The following CACNA1E variants were observed in gnomAD, a reference collection of about 807,000 sequenced individuals.
CACNA1E encodes voltage-dependent R-type calcium channel subunit alpha-1E.
Under a neutral mutation model 259.2 loss-of-function variants are expected in CACNA1E, and 40 were observed. The ratio of observed to expected loss-of-function variants is 0.15; its 90% CI spans 0.12 to 0.20. The LOEUF (loss-of-function observed/expected upper bound fraction) is 0.20. Among genes scored for constraint, CACNA1E ranks in the 10% least tolerant of loss-of-function variants. The pLI is 1.00. For missense variants in CACNA1E, 1,874 were observed against 3,040.1 expected (o/e 0.62, Z 9.02); for synonymous variants, 1,104 against 1,138.5 (o/e 0.97, Z 0.61).
chr1:181,697,985 G>A (rs879897676), intron 7 of CACNA1E, among the ~76,000 whole-genome samples: 6 of 152,200 alleles, frequency 3.9e-5, no homozygotes, highest in African/African-American at 7.2e-5. Context: ...TTCCACCCTC[G>A]TGCATGTCTC....
chr1:181,711,085 T>A lies in CACNA1E; in HGVS notation c.1171+16T>A. On this transcript the variant is annotated intron_variant, in intron 8 of 47. Coordinates refer to ENST00000367573, the MANE Select transcript of CACNA1E (RefSeq NM_001205293.3). Reference sequence around the variant, plus strand: ...GACAAAGCAGGTAGGCCTGGGGGGCTGCAGGAGGCTGGTGAGTGGGCTGCA... The same window carrying A: ...GACAAAGCAGGTAGGCCTGGGGGGCAGCAGGAGGCTGGTGAGTGGGCTGCA... 6.4e-7 allele frequency: 1 copy of A among 1,562,776 alleles called. No homozygotes were observed.
chr1:181,552,487 T>C (rs1021044595), intron 3 of CACNA1E, among the ~76,000 whole-genome samples: 10 of 152,118 alleles, frequency 6.6e-5, no homozygotes, highest in Admixed American at 3.3e-4. Flanking sequence ...GTCTAACCAA[T>C]TAATCACTGA....
At chr1:181,329,828 A>C (rs1400807630) in intron 1 of CACNA1E, among the ~76,000 whole-genome samples, 1 of 152,238 alleles carries the variant, frequency 6.6e-6, no homozygotes, top group Non-Finnish European at 1.5e-5. Flanking sequence ...TCCCAGGCAG[A>C]AAGTTCCCTA....
intron 7 of CACNA1E, among the ~76,000 whole-genome samples, chr1:181,680,255 G>C (rs1346058744): frequency 1.3e-5 from 2 of 152,150 alleles, no homozygotes; most frequent in Admixed American, 1.3e-4. Flanking sequence ...TGTCACTAGA[G>C]GTATTCCCTG....
chr1:181,537,784 C>G (rs1368221284), intron 3 of CACNA1E, among the ~76,000 whole-genome samples: 3 of 152,074 alleles, frequency 2.0e-5, no homozygotes, highest in African/African-American at 7.2e-5. Flanking sequence ...CCTCAACAAC[C>G]CTATGATGTC....
chr1:181,470,039 T>TAG (rs1487322076), intron 2 of CACNA1E, among the ~76,000 whole-genome samples: 2 of 150,524 alleles, frequency 1.3e-5, no homozygotes, highest in Non-Finnish European at 3.0e-5. Flanking sequence ...TTAAAAGATT[T>TAG]ACAGAGAGAG....
chr1:181,762,791 C>G (rs1441838448), intron 33 of CACNA1E, 134 bp downstream of exon 33: 1 of 635,706 alleles, frequency 1.6e-6, no homozygotes, highest in African/African-American at 1.9e-5. Context: ...AATTTACTCC[C>G]TTGCTGCTTG....
chr1:181,684,092 T>A (rs1179378042), intron 7 of CACNA1E, among the ~76,000 whole-genome samples: 1 of 152,212 alleles, frequency 6.6e-6, no homozygotes, highest in East Asian at 1.9e-4. Context: ...TGATTTACAT[T>A]CTCATCAACA....
At chr1:181,348,373 C>T (rs1013047499) in intron 1 of CACNA1E, among the ~76,000 whole-genome samples, 16 of 152,116 alleles carry the variant, frequency 1.1e-4, no homozygotes, top group Non-Finnish European at 1.8e-4. Context: ...CTGCATCTCA[C>T]CTTTCCCTCC....
chr1:181,793,698 C>T lies in CACNA1E; in HGVS notation c.5932C>T (p.Pro1978Ser), dbSNP rs756903198. 8 of 1,610,826 alleles carry T rather than the reference C, an allele frequency of 5.0e-6. No individual in the cohort carries two copies. Among genetic ancestry groups the T allele is most frequent in the Non-Finnish European group, 6.8e-6 (8 of 1,179,152 alleles). ...GGTTAGTGAATTAAAAAGCGTGCAGCCCTCTAACCATGGCATCTACCTTCC... is the reference window on the plus strand; with the variant it reads ...GGTTAGTGAATTAAAAAGCGTGCAGTCCTCTAACCATGGCATCTACCTTCC... ...PEVSELKSVQ[P>S]SNHGIYLPSD... Residue 1978 changes from proline to serine, a missense_variant, in exon 45 of 48, where the codon CCC (proline) becomes TCC (serine). Physicochemically the swap from Pro to Ser is moderately conservative, Grantham distance 74. Coordinates refer to ENST00000367573, the MANE Select transcript of CACNA1E (RefSeq NM_001205293.3).
At chr1:181,440,442 C>T (rs1202865643) in intron 2 of CACNA1E, among the ~76,000 whole-genome samples, 3 of 152,008 alleles carry the variant, frequency 2.0e-5, no homozygotes, top group African/African-American at 7.3e-5. Context: ...GGGAGGTGGA[C>T]TGAAAGTTGT....
rs145211980 is a variant in CACNA1E at position 181,645,862 on chromosome 1, G to C, written c.952-5476G>C. Among the ~76,000 whole-genome samples, 699 of 152,334 alleles carry C rather than the reference G, an allele frequency of 4.6e-3. 7 individuals carry two copies. Among genetic ancestry groups the C allele is most frequent in the African/African-American group, 0.016 (652 of 41,564 alleles). Reference sequence around the variant, plus strand: ...GTTGAATAAAAAATATGGCATTTCAGCTCCAAGACATGGAATCCAAGTCCC... The same window carrying C: ...GTTGAATAAAAAATATGGCATTTCACCTCCAAGACATGGAATCCAAGTCCC... On this transcript the variant is annotated intron_variant, in intron 6 of 47. Coordinates refer to ENST00000367573, the MANE Select transcript of CACNA1E (RefSeq NM_001205293.3).
chr1:181,738,061 C>T (rs1191407251), intron 23 of CACNA1E, among the ~76,000 whole-genome samples: 1 of 152,174 alleles, frequency 6.6e-6, no homozygotes, highest in African/African-American at 2.4e-5. Context: ...TTTCAGGTCC[C>T]GAGCCTGAAC....
At chr1:181,524,078 C>T (rs778185999) in intron 3 of CACNA1E, among the ~76,000 whole-genome samples, 1 of 152,234 alleles carries the variant, frequency 6.6e-6, no homozygotes, top group Admixed American at 6.5e-5. Flanking sequence ...GAGGCCCCAC[C>T]ACCCCACACT....
At chr1:181,683,566 GT>G (rs752575963) in intron 7 of CACNA1E, among the ~76,000 whole-genome samples, 1 of 152,136 alleles carries the variant, frequency 6.6e-6, no homozygotes, top group Non-Finnish European at 1.5e-5. Context: ...CCAATAGGGA[GT>G]TTATCATTCC....
rs944550579 is a variant in CACNA1E at position 181,776,578 on chromosome 1, A to C, written c.5267+350A>C. Among the ~76,000 whole-genome samples the C allele has an allele frequency of 3.9e-5, 6 of 152,208 alleles. No individual in the cohort carries two copies. Among genetic ancestry groups the C allele is most frequent in the African/African-American group, 1.4e-4 (6 of 41,452 alleles). On this transcript the variant is annotated intron_variant, in intron 38 of 47. Transcript: ENST00000367573. The surrounding 1 kb of genome is among the most constrained non-coding windows in gnomAD (Gnocchi z 4.4). ...CCTTTGAGTTATCAGGGGGTTTGAC[A>C]AGGGTTTTTGGCCAGCTGGACATCT...
intron 2 of CACNA1E, among the ~76,000 whole-genome samples, chr1:181,452,618 T>G (rs958645313): frequency 1.3e-5 from 2 of 152,182 alleles, no homozygotes; most frequent in Non-Finnish European, 2.9e-5. Context: ...TTTGGAAGGT[T>G]TCCCCCAAGG....
intron 2 of CACNA1E, among the ~76,000 whole-genome samples, chr1:181,425,826 G>A (rs1659145591): frequency 6.6e-6 from 1 of 152,034 alleles, no homozygotes; most frequent in African/African-American, 2.4e-5. Context: ...TGCAGGGTTG[G>A]CGTGTGAGTG....
At chr1:181,600,416 T>A (rs1653624156) in intron 6 of CACNA1E, among the ~76,000 whole-genome samples, 1 of 152,202 alleles carries the variant, frequency 6.6e-6, no homozygotes, top group Non-Finnish European at 1.5e-5. Context: ...CTCTACCTGC[T>A]GTATGGAGAA....
Sources: gnomAD v4.1 joint callset for allele counts (sites outside exome capture counted in the v4.1 genomes callset) on GRCh38, gnomAD v4.1.1 for gene constraint, Gnocchi (gnomAD v3.1) non-coding constraint, MANE v1.5 for transcripts, NCBI Gene and HGNC (gene_info 2026-07-23, HGNC 2026-07-21) for gene names.